PLAT: variants seen among roughly 807,000 people sequenced by gnomAD.
The protein encoded by PLAT is tissue-type plasminogen activator.
PLAT carries 48 observed loss-of-function variants against 74.9 expected under a neutral mutation model. That is an observed-to-expected ratio of 0.64 (90% confidence interval 0.51 to 0.82). The LOEUF (loss-of-function observed/expected upper bound fraction) is 0.82. Among genes scored for constraint, PLAT ranks in the 40% least tolerant of loss-of-function variants. The probability of loss-of-function intolerance (pLI) is 0.00; values close to 1 mark genes in which losing one functional copy is unlikely to be tolerated. For missense variants in PLAT, 673 were observed against 736.2 expected (o/e 0.91, Z 0.99); for synonymous variants, 307 against 294.4 (o/e 1.04, Z -0.44).
At chr8:42,177,088 T>C (rs1398519231) in intron 13 of PLAT, among the ~76,000 whole-genome samples, 1 of 152,192 alleles carries the variant, frequency 6.6e-6, no homozygotes, top group Admixed American at 6.5e-5. Context: ...CAAGCAATTC[T>C]CGTGCTTATG....
chr8:42,176,260 A>G, intron 13 of PLAT, 109 bp from the exon 14 acceptor site: 1 of 734,878 alleles, frequency 1.4e-6, no homozygotes. Flanking sequence ...CAGGCCCTTC[A>G]ATAATATTCC....
intron 1 of PLAT, among the ~76,000 whole-genome samples, chr8:42,204,530 G>C (rs1806259626): frequency 6.6e-6 from 1 of 151,950 alleles, no homozygotes; most frequent in Admixed American, 6.6e-5. Flanking sequence ...CTTGAGGTCA[G>C]GTGTTCAAGA....
chr8:42,202,186 AT>A (rs113990683), intron 1 of PLAT, among the ~76,000 whole-genome samples: 3,728 of 140,396 alleles, frequency 0.027, 130 homozygotes, highest in African/African-American at 0.08. Context: ...TGTCTGGCTA[AT>A]TTTTTTTTTT....
rs991209907 is a variant in PLAT, at chr8:42,184,084, G to A, written c.631+997C>T. Among the ~76,000 whole-genome samples, 7 of 151,560 alleles carry A rather than the reference G, an allele frequency of 4.6e-5. No homozygotes were observed. The East Asian group carries it at 1.2e-3, about 25-fold the overall frequency. On this transcript the variant is annotated intron_variant, in intron 7 of 13. Coordinates refer to ENST00000220809, the MANE Select transcript of PLAT (RefSeq NM_000930.5). ...GCCTCCCAAGCAGCTGGGACCATAG[G>A]CACAAGCCACCACACCTGACTAATT...
intron 1 of PLAT, among the ~76,000 whole-genome samples, chr8:42,194,003 C>T (rs1328424985): frequency 5.5e-3 from 6 of 1,088 alleles, no homozygotes; most frequent in African/African-American, 0.011. Context: ...CGTGAGCCAC[C>T]GCGCCCCCGC....
At chr8:42,194,078 G>A (rs191974957) in intron 1 of PLAT, among the ~76,000 whole-genome samples, 4 of 53,404 alleles carry the variant, frequency 7.5e-5, no homozygotes, top group Non-Finnish European at 1.5e-4. Context: ...TTTGAGACTA[G>A]GTCTCGCTCT....
intron 1 of PLAT, among the ~76,000 whole-genome samples, chr8:42,201,167 C>A (rs1159989105): frequency 6.6e-6 from 1 of 152,186 alleles, no homozygotes. Context: ...TATACGACAG[C>A]AGAATGCCAC....
chr8:42,199,383 C>T (rs1282526635), intron 1 of PLAT, among the ~76,000 whole-genome samples: 3 of 152,072 alleles, frequency 2.0e-5, no homozygotes, highest in Non-Finnish European at 4.4e-5. Context: ...GAGGCAGGAG[C>T]ATCACTTGAG....
chr8:42,185,966 A>G (rs142484787), intron 6 of PLAT: 1 of 152,010 alleles, frequency 6.6e-6, no homozygotes, highest in East Asian at 1.9e-4. Flanking sequence ...TGGCTTACCA[A>G]GATGTTTCGG....
chr8:42,205,522 G>T (rs767440836), intron 1 of PLAT, among the ~76,000 whole-genome samples: 3 of 151,752 alleles, frequency 2.0e-5, no homozygotes, highest in South Asian at 4.2e-4. Flanking sequence ...GTGAAACTCC[G>T]TCTCAAAAAA....
chr8:42,194,241 A>AGAGAGAGAGAGTGTGTGTGTGT (rs1419569830), intron 1 of PLAT, among the ~76,000 whole-genome samples: 5 of 52,544 alleles, frequency 9.5e-5, no homozygotes, highest in African/African-American at 3.4e-4. Context: ...AGAGAGAGAG[A>AGAGAGAGAGAGTGTGTGTGTGT]GTGTGTGTGT....
At position 42,182,751 on chromosome 8, in the gene PLAT, C is replaced by G. The variant is rs746988345; in HGVS notation, c.771G>C (p.Gln257His). 6.2e-7 allele frequency: 1 copy of G among 1,612,190 alleles called. No homozygotes were observed. Among genetic ancestry groups the G allele is most frequent in the Non-Finnish European group, 8.5e-7 (1 of 1,179,386 alleles). The change falls in exon 8 of 14, where the codon CAG (glutamine) becomes CAC (histidine). Residue 257 changes from glutamine (Q) to histidine (H), a missense_variant. Gln to His is a conservative substitution (Grantham distance 24). Coordinates refer to ENST00000220809, the MANE Select transcript of PLAT (RefSeq NM_000930.5). ...AATTATGTTTGCCCAGGCCCAGTGC[C>G]TGGGCACTGGGGTTCTGTGCTGTGT... ...KVYTAQNPSA[Q>H]ALGLGKHNYC...
At chr8:42,190,100 C>T (rs1587936908) in intron 3 of PLAT, among the ~76,000 whole-genome samples, 1 of 151,704 alleles carries the variant, frequency 6.6e-6, no homozygotes, top group African/African-American at 2.4e-5. Context: ...TTTGTAGAGG[C>T]GGGGTGGGGT....
chr8:42,201,728 A>G (rs1408736819), intron 1 of PLAT, among the ~76,000 whole-genome samples: 1 of 152,008 alleles, frequency 6.6e-6, no homozygotes, highest in Non-Finnish European at 1.5e-5. Context: ...GCCACTGTGG[A>G]CTCCCAGCAG....
At chr8:42,206,650 G>A (rs1806349934) in intron 1 of PLAT, 1 of 152,120 alleles carries the variant, frequency 6.6e-6, no homozygotes, top group Non-Finnish European at 1.5e-5. Flanking sequence ...TAGTTACCTG[G>A]GACCTCGGCG....
chr8:42,202,820 C>T (rs939678982), intron 1 of PLAT, among the ~76,000 whole-genome samples: 6 of 152,058 alleles, frequency 3.9e-5, no homozygotes, highest in African/African-American at 1.4e-4. Flanking sequence ...TTGGGGTGGT[C>T]AGGCAGGCTT....
intron 6 of PLAT, chr8:42,186,544 C>T (rs556977457): frequency 1.6e-4 from 25 of 152,300 alleles, no homozygotes; most frequent in African/African-American, 5.1e-4. Flanking sequence ...CTCCCTAAAA[C>T]GTCTAAAGGC....
At chr8:42,183,705 A>G (rs1805339951) in intron 7 of PLAT, among the ~76,000 whole-genome samples, 1 of 152,006 alleles carries the variant, frequency 6.6e-6, no homozygotes, top group African/African-American at 2.4e-5. Flanking sequence ...GCATACCTCT[A>G]TACATAAATA....
chr8:42,202,418 T>C (rs1265757801), intron 1 of PLAT, among the ~76,000 whole-genome samples: 2 of 151,508 alleles, frequency 1.3e-5, no homozygotes, highest in African/African-American at 4.9e-5. Context: ...TCAGCTGAAA[T>C]AAAAACTGCC....
Sources: gnomAD v4.1 joint callset for allele counts (sites outside exome capture counted in the v4.1 genomes callset) on GRCh38, gnomAD v4.1.1 for gene constraint, MANE v1.5 for transcripts, NCBI Gene and HGNC (gene_info 2026-07-23, HGNC 2026-07-21) for gene names.